ZCWPW1: variants seen among roughly 807,000 people sequenced by gnomAD.
The protein encoded by ZCWPW1 is zinc finger CW-type and PWWP domain containing 1, also known as zinc finger CW-type PWWP domain protein 1.
Under a neutral mutation model 81.3 loss-of-function variants are expected in ZCWPW1, and 56 were observed. The ratio of observed to expected loss-of-function variants is 0.69; its 90% CI spans 0.56 to 0.86. The LOEUF is 0.86. ZCWPW1 is among the 40% of genes least tolerant of loss of function. The pLI is 0.00. For missense variants in ZCWPW1, 650 were observed against 769.8 expected, an observed-to-expected ratio of 0.84 and a Z score of 1.84; for synonymous variants, 250 against 273.7, an observed-to-expected ratio of 0.91 and a Z score of 0.86.
intron 17 of ZCWPW1, 128 bp from the exon 18 acceptor site, chr7:100,401,464 A>G: frequency 2.2e-6 from 2 of 902,782 alleles, no homozygotes; most frequent in Non-Finnish European, 3.2e-6. Flanking sequence ...AATACAAAGA[A>G]TATGGACTTT....
At chr7:100,421,699 CT>C (rs984653255) in intron 2 of ZCWPW1, among the ~76,000 whole-genome samples, 4 of 148,704 alleles carry the variant, frequency 2.7e-5, no homozygotes, top group Admixed American at 6.7e-5. Context: ...CAATGTGTTT[CT>C]TTTTTTTTTG....
At chr7:100,406,880 G>A in intron 11 of ZCWPW1, 82 bp from the exon 12 acceptor site, 2 of 1,277,158 alleles carry the variant, frequency 1.6e-6, no homozygotes, top group South Asian at 1.3e-5. Context: ...CGGGAGAATG[G>A]GAATTCACCC....
intron 17 of ZCWPW1, 60 bp from the exon 18 acceptor site, chr7:100,401,396 TAA>T (rs1355596255): frequency 7.3e-7 from 1 of 1,370,870 alleles, no homozygotes; most frequent in East Asian, 2.3e-5. Context: ...TTACCTTTTA[TAA>T]GTCAAACTCC....
chr7:100,402,035 C>G lies in ZCWPW1; in HGVS notation c.1481G>C (p.Gly494Ala). ...QTQKTKPRGL[G>A]GDAGTADGRG... Reference sequence around the variant, plus strand: ...GCCATCTGCTGTGCCTGCATCACCCCCAAGCCCTAGCCGTGAGGGAAATGC... The same window carrying G: ...GCCATCTGCTGTGCCTGCATCACCCGCAAGCCCTAGCCGTGAGGGAAATGC... The change falls in exon 17 of 18, where the codon GGG becomes GCG. Residue 494 changes from glycine (G) to alanine (A), a missense_variant. Coordinates refer to ENST00000684423, the MANE Select transcript of ZCWPW1 (RefSeq NM_001386010.1). 1 of 1,608,596 alleles carries G rather than the reference C, an allele frequency of 6.2e-7. No homozygotes were observed. Among genetic ancestry groups the G allele is most frequent in the Non-Finnish European group, 8.5e-7 (1 of 1,177,308 alleles).
At chr7:100,422,696 C>G (rs1160203823) in intron 2 of ZCWPW1, among the ~76,000 whole-genome samples, 1 of 152,058 alleles carries the variant, frequency 6.6e-6, no homozygotes, top group Non-Finnish European at 1.5e-5. Context: ...GAGTATAGTA[C>G]CCAATAGGTA....
intron 12 of ZCWPW1, among the ~76,000 whole-genome samples, chr7:100,405,524 G>A (rs1228939716): frequency 6.6e-6 from 1 of 152,140 alleles, no homozygotes; most frequent in African/African-American, 2.4e-5. Context: ...TTCGACTACA[G>A]TATTTATTTC....
chr7:100,408,474 C>A (rs1254961718), intron 10 of ZCWPW1, 65 bp downstream of exon 10: 2 of 1,584,576 alleles, frequency 1.3e-6, no homozygotes, highest in Admixed American at 1.8e-5. Flanking sequence ...TTTGCTTCCA[C>A]CCCTGCTTGA....
intron 9 of ZCWPW1, among the ~76,000 whole-genome samples, chr7:100,409,103 C>CT (rs1793667309): frequency 3.3e-5 from 5 of 152,182 alleles, no homozygotes; most frequent in Non-Finnish European, 1.5e-5. Flanking sequence ...TCTCTCTCGT[C>CT]TGTTTTCCCC....
chr7:100,404,363 C>A (rs1228910011), intron 13 of ZCWPW1, 119 bp from the exon 14 acceptor site: 2 of 930,842 alleles, frequency 2.1e-6, no homozygotes, highest in Non-Finnish European at 1.7e-6. Context: ...CCAAAATTAT[C>A]ATTATTATTA....
At chr7:100,427,885 C>A (rs557246202) in intron 1 of ZCWPW1, among the ~76,000 whole-genome samples, 29 of 151,920 alleles carry the variant, frequency 1.9e-4, no homozygotes, top group Non-Finnish European at 3.4e-4. Flanking sequence ...CTCTCTTCCC[C>A]GTCCCCTCCC....
intron 17 of ZCWPW1, 40 bp from the exon 18 acceptor site, chr7:100,401,376 C>A: frequency 6.7e-7 from 1 of 1,485,624 alleles, no homozygotes; most frequent in South Asian, 1.4e-5. Flanking sequence ...CCTATTAGGT[C>A]AGCCTGTCCT....
In ZCWPW1 at chr7:100,416,066, T is replaced by A. The variant is rs775246287; in HGVS notation, c.663A>T (p.Gly221=). The change falls in exon 8 of 18, where the codon GGA becomes GGT. Residue 221 remains glycine, a synonymous_variant. Transcript: ENST00000684423. ...QDEKVEKTQG[G]HEHRQEDRLK... ...GTCGGTCTTCCTGTCTGTGCTCATG[T>A]CCACCTTGAGTTTTCTCCACCTTCT... 6.2e-7 allele frequency: 1 copy of A among 1,614,084 alleles called. No individual in the cohort carries two copies. The highest frequency in any genetic ancestry group is 1.7e-5 in the Admixed American group (1 of 60,022).
Position 100,401,037 on chromosome 7 carries a change from G to C in ZCWPW1, c.1927C>G (p.Pro643Ala). 6.2e-7 allele frequency: 1 copy of C among 1,611,326 alleles called. No homozygotes were observed. ...AGCTACTTCCCAAACAGCGCCACGG[G>C]GAAGTCCTCGCCATCACTGTTGCTG... ...QHSNSDGEDF[P>A]VALFGK Residue 643 changes from proline to alanine, a missense_variant, in exon 18 of 18, where the codon CCC (proline) becomes GCC (alanine). By Grantham distance (27) the Pro-to-Ala change is conservative. Coordinates refer to ENST00000684423, the MANE Select transcript of ZCWPW1 (RefSeq NM_001386010.1).
chr7:100,406,782 G>A lies in ZCWPW1; in HGVS notation c.1085C>T (p.Thr362Met), dbSNP rs781741302. The A allele has an allele frequency of 4.9e-5, 79 of 1,613,884 alleles. No homozygotes were observed. Among genetic ancestry groups the A allele is most frequent in the Non-Finnish European group, 6.0e-5 (71 of 1,179,978 alleles). ...LDSLPSKYHV[T>M]FFGETVSRAW... The stretch of plus-strand genomic sequence containing the variant: ...ACGAGAAACTGTTTCTCCAAAAAAC[G>A]TCACATGGTACTTAGACTGAAATAA... The change falls in exon 12 of 18, where the codon ACG becomes ATG. Residue 362 changes from threonine to methionine, a missense_variant. Transcript: ENST00000684423.
chr7:100,408,494 T>C, intron 10 of ZCWPW1, 45 bp downstream of exon 10: 1 of 1,602,414 alleles, frequency 6.2e-7, no homozygotes, highest in Non-Finnish European at 8.5e-7. Flanking sequence ...AATCTACCTC[T>C]CCCAAGTTTG....
intron 2 of ZCWPW1, among the ~76,000 whole-genome samples, chr7:100,422,191 T>C (rs1796480452): frequency 6.6e-6 from 1 of 152,232 alleles, no homozygotes; most frequent in African/African-American, 2.4e-5. Context: ...CATCGATAAG[T>C]AGTAAAATCA....
intron 2 of ZCWPW1, 80 bp downstream of exon 2, chr7:100,424,950 T>C (rs1465782944): frequency 2.0e-5 from 3 of 152,186 alleles, no homozygotes; most frequent in African/African-American, 7.2e-5. Flanking sequence ...GTAATAAATC[T>C]ATAAACAGTG....
At chr7:100,403,823 T>C in intron 14 of ZCWPW1, 38 bp from the exon 15 acceptor site, 1 of 1,569,496 alleles carries the variant, frequency 6.4e-7, no homozygotes, top group Non-Finnish European at 8.8e-7. Flanking sequence ...AAATCATTCA[T>C]ACCATAAAAT....
At chr7:100,423,590 G>A (rs923658404) in intron 2 of ZCWPW1, among the ~76,000 whole-genome samples, 21 of 152,064 alleles carry the variant, frequency 1.4e-4, no homozygotes, top group African/African-American at 5.1e-4. Context: ...ATTCAGATGT[G>A]CTGTTCTAAA....
Sources: allele counts gnomAD v4.1 joint callset (sites outside exome capture counted in the v4.1 genomes callset), GRCh38; gene constraint gnomAD v4.1.1; transcripts MANE v1.5; gene names NCBI Gene and HGNC (gene_info 2026-07-23, HGNC 2026-07-21).